FADS2: variants seen among roughly 807,000 people sequenced by gnomAD.
FADS2 encodes the protein fatty acid desaturase 2, also known as acyl-CoA 6-desaturase.
FADS2 carries 18 observed loss-of-function variants against 61.2 expected under a neutral mutation model. The ratio of observed to expected loss-of-function variants is 0.29; its 90% CI spans 0.20 to 0.44. The LOEUF (loss-of-function observed/expected upper bound fraction) is 0.44, where lower values mean the gene tolerates loss of function less well. FADS2 is among the 20% of genes least tolerant of loss of function. The pLI is 1.00. For missense variants in FADS2, 322 were observed against 572.7 expected (o/e 0.56, Z 4.47); for synonymous variants, 203 against 223.9 (o/e 0.91, Z 0.83).
rs368839099 is a variant in FADS2 at position 61,865,125 on chromosome 11, G to A, written c.1158-27G>A. On this transcript the variant is annotated intron_variant, in intron 10 of 11. Coordinates refer to ENST00000278840, the MANE Select transcript of FADS2 (RefSeq NM_004265.4). The surrounding 1 kb of genome is among the most constrained non-coding windows in gnomAD (Gnocchi z 4.1). Reference sequence around the variant, plus strand: ...GCAGCATGGCCCTCTGAGTCCTCACGCTCTGCCCACCCTACACACTCCTCA... The same window carrying A: ...GCAGCATGGCCCTCTGAGTCCTCACACTCTGCCCACCCTACACACTCCTCA... 205 of 1,603,994 alleles carry A rather than the reference G, an allele frequency of 1.3e-4. No individual in the cohort carries two copies. The highest frequency in any genetic ancestry group is 1.6e-4 in the Non-Finnish European group (184 of 1,173,984).
At chr11:61,833,074 G>A (rs986594416) in intron 1 of FADS2, among the ~76,000 whole-genome samples, 2 of 152,228 alleles carry the variant, frequency 1.3e-5, no homozygotes, top group African/African-American at 4.8e-5. Flanking sequence ...GGTGATGGCA[G>A]AAGCAGGAAC....
chr11:61,827,997 G>A, upstream of FADS2: 1 of 1,094,204 alleles, frequency 9.1e-7, no homozygotes, highest in South Asian at 2.4e-5. The surrounding 1 kb of genome is among the most constrained non-coding windows in gnomAD (Gnocchi z 4.5). Context: ...GCTGATCGCT[G>A]TGGAAACTCG....
At chr11:61,820,860 ACT>A (rs2135947101) in intron 1 of FADS2, among the ~76,000 whole-genome samples, 1 of 152,258 alleles carries the variant, frequency 6.6e-6, no homozygotes, top group South Asian at 2.1e-4. Flanking sequence ...AGATTGCACC[ACT>A]GCACTCCAGC....
In FADS2 at chr11:61,858,733, C is replaced by T. The variant is rs759164142; in HGVS notation, c.882+1203C>T. ...CCTGAGTAGCTGGGAGTACAGGCGC[C>T]GGCCACCATGCCTGGCTAATTTTTG... On this transcript the variant is annotated intron_variant, in intron 7 of 11. Coordinates refer to ENST00000278840, the MANE Select transcript of FADS2 (RefSeq NM_004265.4). Among the ~76,000 whole-genome samples the T allele has an allele frequency of 2.6e-5, 4 of 151,564 alleles. No homozygotes were observed. The East Asian group carries it at 7.9e-4, about 30-fold the overall frequency.
At chr11:61,850,905 C>T (rs1190756574) in intron 5 of FADS2, among the ~76,000 whole-genome samples, 2 of 152,156 alleles carry the variant, frequency 1.3e-5, no homozygotes, top group South Asian at 2.1e-4. Flanking sequence ...CAGCCTGGCT[C>T]CCCAGTTCTG....
intron 1 of FADS2, chr11:61,821,426 T>C (rs779999791): frequency 1.4e-6 from 1 of 702,082 alleles, no homozygotes; most frequent in East Asian, 2.7e-5. Flanking sequence ...GAAGCCATAA[T>C]TGAATAACCT....
chr11:61,819,627 C>G (rs1428674746), intron 1 of FADS2, among the ~76,000 whole-genome samples: 1 of 152,176 alleles, frequency 6.6e-6, no homozygotes, highest in Non-Finnish European at 1.5e-5. Flanking sequence ...TGGAAACACT[C>G]TAAATGCCCA....
intron 7 of FADS2, 145 bp downstream of exon 7, chr11:61,857,675 G>A: frequency 1.5e-6 from 1 of 680,272 alleles, no homozygotes; most frequent in Admixed American, 2.1e-5. Context: ...TGCCTCTCAG[G>A]AAAGGACTCC....
At chr11:61,856,204 G>A (rs1168938023) in intron 5 of FADS2, 3 of 152,220 alleles carry the variant, frequency 2.0e-5, no homozygotes, top group African/African-American at 7.2e-5. Flanking sequence ...GGGCTCCAGG[G>A]ATCCCCTGGG....
intron 4 of FADS2, 58 bp downstream of exon 4, chr11:61,840,783 C>A (rs2067212273): frequency 1.6e-6 from 2 of 1,286,346 alleles, no homozygotes; most frequent in African/African-American, 1.5e-5. Context: ...GACAGAGGGA[C>A]CAGGATTCCT....
chr11:61,829,962 T>G (rs951098743), intron 1 of FADS2, among the ~76,000 whole-genome samples: 6 of 152,236 alleles, frequency 3.9e-5, no homozygotes, highest in African/African-American at 1.2e-4. Context: ...TCAGCGATAC[T>G]GAAATTCCCT....
chr11:61,861,840 T>C (rs1472849395), intron 7 of FADS2: 3 of 152,430 alleles, frequency 2.0e-5, no homozygotes, highest in Non-Finnish European at 4.4e-5. Flanking sequence ...ATCTGTCACC[T>C]CCTTGTCAGT....
upstream of FADS2, among the ~76,000 whole-genome samples, chr11:61,824,459 G>GGAGAGA (rs1157000186): frequency 1.2e-3 from 7 of 5,864 alleles, no homozygotes; most frequent in African/African-American, 3.8e-3. Flanking sequence ...AGGGAGGGAG[G>GGAGAGA]GAGAGAGAGA....
At chr11:61,831,139 C>T (rs531834384) in intron 1 of FADS2, among the ~76,000 whole-genome samples, 26 of 151,784 alleles carry the variant, frequency 1.7e-4, no homozygotes, top group Non-Finnish European at 2.9e-4. Flanking sequence ...GGAAAAAGGC[C>T]TTGAGCAGCG....
chr11:61,857,190 A>G, intron 6 of FADS2, 119 bp downstream of exon 6: 1 of 919,200 alleles, frequency 1.1e-6, no homozygotes, highest in Non-Finnish European at 1.8e-6. Flanking sequence ...ACTTGTTAGA[A>G]GCGGGGGCCA....
chr11:61,842,475 T>C (rs979455218), intron 4 of FADS2, among the ~76,000 whole-genome samples: 4 of 152,242 alleles, frequency 2.6e-5, no homozygotes, highest in African/African-American at 9.6e-5. Flanking sequence ...TTCCAGATTC[T>C]GGGCAGGGGC....
chr11:61,835,560 ATTTTTTT>A (rs57778794), intron 1 of FADS2, among the ~76,000 whole-genome samples: 3 of 139,002 alleles, frequency 2.2e-5, no homozygotes, highest in East Asian at 4.2e-4. Context: ...CACCTGGCTA[ATTTTTTT>A]TTTTTTTTTT....
chr11:61,851,478 C>T (rs2067307040), intron 5 of FADS2, among the ~76,000 whole-genome samples: 1 of 152,272 alleles, frequency 6.6e-6, no homozygotes, highest in African/African-American at 2.4e-5. Context: ...GAAATCCCCG[C>T]TCTCACACTC....
upstream of FADS2, chr11:61,828,103 T>G: frequency 1.5e-6 from 2 of 1,299,006 alleles, no homozygotes; most frequent in Non-Finnish European, 2.0e-6. The surrounding 1 kb of genome is among the most constrained non-coding windows in gnomAD (Gnocchi z 6.4). Flanking sequence ...CCGGGGAGTT[T>G]TTACTGGAGG....
Sources: gnomAD v4.1 joint callset for allele counts (sites outside exome capture counted in the v4.1 genomes callset) on GRCh38, gnomAD v4.1.1 for gene constraint, Gnocchi (gnomAD v3.1) non-coding constraint, MANE v1.5 for transcripts, NCBI Gene and HGNC (gene_info 2026-07-23, HGNC 2026-07-21) for gene names.